MYO3B: variants seen among roughly 807,000 people sequenced by gnomAD.
MYO3B encodes myosin-IIIb.
Under a neutral mutation model 174.6 loss-of-function variants are expected in MYO3B, and 156 were observed. The ratio of observed to expected loss-of-function variants is 0.89; its 90% CI spans 0.78 to 1.02. The LOEUF (loss-of-function observed/expected upper bound fraction) is 1.02, where lower values mean the gene tolerates loss of function less well. MYO3B is among the 50% of genes least tolerant of loss of function. The pLI, the probability that MYO3B is intolerant of heterozygous loss-of-function variation, is 0.00. For missense variants in MYO3B, 1,632 were observed against 1,639.4 expected (o/e 1.00, Z 0.08); for synonymous variants, 563 against 569.1 (o/e 0.99, Z 0.15).
intron 28 of MYO3B, 41 bp from the exon 29 acceptor site, chr2:170,514,880 G>A (rs567333745): frequency 1.9e-6 from 3 of 1,570,334 alleles, no homozygotes; most frequent in East Asian, 4.5e-5. Context: ...TCTAGGTGTG[G>A]GAGCATAACC....
At chr2:170,548,803 C>T (rs1690702407) in intron 32 of MYO3B, among the ~76,000 whole-genome samples, 1 of 152,138 alleles carries the variant, frequency 6.6e-6, no homozygotes, top group South Asian at 2.1e-4. Context: ...AATGGGGCCA[C>T]CTACCCTTGC....
intron 29 of MYO3B, among the ~76,000 whole-genome samples, chr2:170,515,775 G>A (rs1688267401): frequency 6.6e-6 from 1 of 152,052 alleles, no homozygotes; most frequent in Non-Finnish European, 1.5e-5. Flanking sequence ...ACTGCCCAGT[G>A]TGTAGGCAGA....
intron 30 of MYO3B, among the ~76,000 whole-genome samples, chr2:170,540,232 G>T (rs1035353749): frequency 6.6e-6 from 1 of 151,944 alleles, no homozygotes; most frequent in Admixed American, 6.6e-5. Flanking sequence ...TCTGCAGCGG[G>T]AGGATCACTT....
intron 6 of MYO3B, among the ~76,000 whole-genome samples, chr2:170,219,379 C>T (rs1427828152): frequency 1.3e-5 from 2 of 152,186 alleles, no homozygotes; most frequent in African/African-American, 2.4e-5. Flanking sequence ...AGCGGTGGCT[C>T]ATGCCTGTAA....
chr2:170,590,366 T>C lies in MYO3B; in HGVS notation c.3733+46378T>C, dbSNP rs760058497. ...TACAAGAGTAGACACCTAAGGTGGT[T>C]GGAAGAAATGGAAATACTCCTTCAT... On this transcript the variant is annotated intron_variant, in intron 32 of 34. Coordinates refer to ENST00000408978, the MANE Select transcript of MYO3B (RefSeq NM_138995.5). Among the ~76,000 whole-genome samples the C allele has an allele frequency of 8.5e-5, 13 of 152,288 alleles. No individual in the cohort carries two copies. The South Asian group carries it at 1.2e-3, about 15-fold the overall frequency.
chr2:170,200,343 G>A (rs2092647785), intron 3 of MYO3B, 59 bp downstream of exon 3: 6 of 1,570,096 alleles, frequency 3.8e-6, no homozygotes, highest in Non-Finnish European at 5.2e-6. Context: ...GCCAACAGAT[G>A]CTTTATTACC....
At position 170,467,624 on chromosome 2, in the gene MYO3B, AG is replaced by A. The variant is rs1398342888; in HGVS notation, c.3014+914del. Among the ~76,000 whole-genome samples, 3 of 152,008 alleles carry A rather than the reference AG, an allele frequency of 2.0e-5. No individual in the cohort carries two copies. In the East Asian group the frequency reaches 5.8e-4, roughly 29 times the overall value. On this transcript the variant is annotated intron_variant, in intron 25 of 34. Coordinates refer to ENST00000408978, the MANE Select transcript of MYO3B (RefSeq NM_138995.5). The stretch of plus-strand genomic sequence containing the variant: ...ATGCCTGACAAAGACAAGGCAATCA[AG>A]AAAAAAAAAATACATTGTAGAATCT...
At position 170,390,278 on chromosome 2, in the gene MYO3B, CT is replaced by C. The variant is rs139289503; in HGVS notation, c.1578-1240del. 1.0e-2 allele frequency among the ~76,000 whole-genome samples: 1,520 copies of C among 152,170 alleles called. 23 individuals are homozygous for C. Among genetic ancestry groups the C allele is most frequent in the African/African-American group, 0.034 (1,429 of 41,508 alleles). Reference sequence around the variant, plus strand: ...ACTCTGTCTCTACAAACACAAAAACCTTAGTGGGGGATGGTGATGTGTGCCT... The same window carrying C: ...ACTCTGTCTCTACAAACACAAAAACCTAGTGGGGGATGGTGATGTGTGCCT... On this transcript the variant is annotated intron_variant, in intron 14 of 34. Coordinates refer to ENST00000408978, the MANE Select transcript of MYO3B (RefSeq NM_138995.5).
chr2:170,377,323 C>A (rs2094301406), intron 9 of MYO3B, among the ~76,000 whole-genome samples: 1 of 152,208 alleles, frequency 6.6e-6, no homozygotes, highest in East Asian at 1.9e-4. Flanking sequence ...CTCTAAAGCT[C>A]CTTTCCCACT....
intron 7 of MYO3B, among the ~76,000 whole-genome samples, chr2:170,303,776 G>C (rs183350167): frequency 1.3e-5 from 2 of 151,952 alleles, no homozygotes; most frequent in South Asian, 4.1e-4. Flanking sequence ...GTATCTATTC[G>C]TGTGTTTATG....
intron 16 of MYO3B, among the ~76,000 whole-genome samples, chr2:170,394,119 T>C (rs2094431124): frequency 6.6e-6 from 1 of 152,140 alleles, no homozygotes; most frequent in Non-Finnish European, 1.5e-5. Flanking sequence ...TTTCTTTGAG[T>C]ACAAATATAG....
At chr2:170,415,344 A>T (rs1471448819) in intron 22 of MYO3B, among the ~76,000 whole-genome samples, 1 of 152,164 alleles carries the variant, frequency 6.6e-6, no homozygotes, top group Non-Finnish European at 1.5e-5. Flanking sequence ...ATCCTATCTA[A>T]AATTTCAACC....
At chr2:170,400,829 G>GGTTTTTTTTTTT (rs60401794) in intron 17 of MYO3B, among the ~76,000 whole-genome samples, 1 of 150,894 alleles carries the variant, frequency 6.6e-6, no homozygotes, top group African/African-American at 2.4e-5. Flanking sequence ...TTTGAGCAGT[G>GGTTTTTTTTTTT]TTTTTTTCTT....
At chr2:170,542,494 C>T (rs1690181699) in intron 30 of MYO3B, among the ~76,000 whole-genome samples, 1 of 152,200 alleles carries the variant, frequency 6.6e-6, no homozygotes, top group African/African-American at 2.4e-5. Flanking sequence ...CTAACATTCC[C>T]CAAACTTACT....
At chr2:170,404,570 G>A (rs2094498601) in intron 20 of MYO3B, among the ~76,000 whole-genome samples, 170 bp downstream of exon 20, 1 of 152,142 alleles carries the variant, frequency 6.6e-6, no homozygotes, top group African/African-American at 2.4e-5. Flanking sequence ...GAATTTGAAT[G>A]TTAAAGCAAA....
chr2:170,501,293 T>A (rs1409321234), intron 27 of MYO3B, among the ~76,000 whole-genome samples: 5 of 152,194 alleles, frequency 3.3e-5, no homozygotes, highest in African/African-American at 1.2e-4. Context: ...AATGACAGTG[T>A]TGTGCTACTT....
intron 16 of MYO3B, among the ~76,000 whole-genome samples, chr2:170,392,776 T>C (rs2094420878): frequency 6.6e-6 from 1 of 152,192 alleles, no homozygotes; most frequent in South Asian, 2.1e-4. Flanking sequence ...AGGGGAGCAC[T>C]GTTTTAAGGA....
intron 7 of MYO3B, among the ~76,000 whole-genome samples, chr2:170,307,737 C>G (rs1380287211): frequency 6.6e-6 from 1 of 152,118 alleles, no homozygotes; most frequent in Non-Finnish European, 1.5e-5. Context: ...CAGGGTCACC[C>G]CATAGGTAGT....
chr2:170,376,309 CCATT>C (rs2094292829), intron 9 of MYO3B, among the ~76,000 whole-genome samples: 1 of 152,100 alleles, frequency 6.6e-6, no homozygotes, highest in African/African-American at 2.4e-5. Context: ...CGTTTGAGGT[CCATT>C]ATTATATAGT....
Sources: allele counts gnomAD v4.1 joint callset (sites outside exome capture counted in the v4.1 genomes callset), GRCh38; gene constraint gnomAD v4.1.1; transcripts MANE v1.5; gene names NCBI Gene and HGNC (gene_info 2026-07-23, HGNC 2026-07-21).